The following H1-5 variants were observed in gnomAD, a reference collection of about 807,000 sequenced individuals.
H1-5 encodes the protein H1.5 linker histone, cluster member.
In H1-5, 3 loss-of-function variants were observed where a neutral mutation model predicts 4.6. The observed-to-expected ratio is 0.65, with a 90% CI of 0.30 to 1.68. H1-5 has a LOEUF of 1.68. Ranked by LOEUF, H1-5 falls within the 40% of genes most tolerant of loss-of-function variation. The probability of loss-of-function intolerance (pLI) is 0.10; values close to 1 mark genes in which losing one functional copy is unlikely to be tolerated. For missense variants in H1-5, 521 were observed against 287.9 expected, an observed-to-expected ratio of 1.81 and a Z score of -5.86; for synonymous variants, 250 against 123.4, an observed-to-expected ratio of 2.03 and a Z score of -6.80.
chr6:27,867,000 G>C lies in H1-5; in HGVS notation c.530C>G (p.Ala177Gly). The change falls in exon 1 of 1, where the codon GCC (alanine) becomes GGC (glycine). Residue 177 changes from alanine to glycine, a missense_variant. Physicochemically the swap from Ala to Gly is moderately conservative, Grantham distance 60. Coordinates refer to ENST00000331442, the MANE Select transcript of H1-5 (RefSeq NM_005322.3). ...CTTTTTCGGTTTGGCAGCGGCCTTG[G>C]CCTTCTTAGGGCTCTTCGCCACCTT... Reference protein sequence around the residue: ...VKKVAKSPKKAKAAAKPKKAT... With the variant: ...VKKVAKSPKKGKAAAKPKKAT... 6.2e-7 allele frequency: 1 copy of C among 1,614,200 alleles called. No homozygotes were observed. The highest frequency in any genetic ancestry group is 8.5e-7 in the Non-Finnish European group (1 of 1,180,046).
Position 27,867,417 on chromosome 6 carries a change from G to T in H1-5, c.113C>A (p.Ala38Glu). The change falls in exon 1 of 1, where the codon GCG becomes GAG. Residue 38 changes from alanine (A) to glutamate (E), a missense_variant. Ala to Glu is a moderately radical substitution (Grantham distance 107, BLOSUM62 -1). Coordinates refer to ENST00000331442, the MANE Select transcript of H1-5 (RefSeq NM_005322.3). ...AAGAGAAKRK[A>E]TGPPVSELIT... The stretch of plus-strand genomic sequence containing the variant: ...CAGCTCTGAGACTGGGGGCCCCGTC[G>T]CTTTGCGCTTAGCAGCGCCGGCGCC... 6.2e-7 allele frequency: 1 copy of T among 1,613,664 alleles called. No homozygotes were observed. The highest frequency in any genetic ancestry group is 1.3e-5 in the African/African-American group (1 of 74,986).
chr6:27,867,397 C>T lies in H1-5; in HGVS notation c.133G>A (p.Glu45Lys). 2 of 1,614,182 alleles carry T rather than the reference C, an allele frequency of 1.2e-6. No individual in the cohort carries two copies. The highest frequency in any genetic ancestry group is 1.3e-5 in the African/African-American group (1 of 75,080). The stretch of plus-strand genomic sequence containing the variant: ...GCAGCCACAGCCTTGGTGATCAGCT[C>T]TGAGACTGGGGGCCCCGTCGCTTTG... ...KRKATGPPVSELITKAVAASK... is the reference protein window; with the variant it reads ...KRKATGPPVSKLITKAVAASK... Residue 45 changes from glutamate to lysine, a missense_variant, in exon 1 of 1, where the codon GAG becomes AAG. Transcript: ENST00000331442.
rs773541479 is a variant in H1-5, at chr6:27,867,121, C to A, written c.409G>T (p.Ala137Ser). The part of the protein sequence containing the change: ...GAAKAKKPAG[A>S]TPKKAKKAAG... The stretch of plus-strand genomic sequence containing the variant: ...GCCTTCTTGGCCTTCTTAGGCGTGG[C>A]CCCCGCGGGCTTCTTAGCTTTAGCG... Residue 137 changes from alanine to serine, a missense_variant, in exon 1 of 1, where the codon GCC (alanine) becomes TCC (serine). Ala to Ser is a moderately conservative substitution (Grantham distance 99). Coordinates refer to ENST00000331442, the MANE Select transcript of H1-5 (RefSeq NM_005322.3). 1.2e-6 allele frequency: 2 copies of A among 1,614,010 alleles called. No individual in the cohort carries two copies. Among genetic ancestry groups the A allele is most frequent in the Non-Finnish European group, 1.7e-6 (2 of 1,179,928 alleles).
rs1192580775 is a variant in H1-5 at position 27,867,077 on chromosome 6, T to C, written c.453A>G (p.Ala151=). ...KAKKAAGAKK[A]VKKTPKKAKK... ...TCGCCTTCTTCGGAGTCTTCTTCAC[T>C]GCCTTTTTCGCCCCTGCAGCCTTCT... The change falls in exon 1 of 1, where the codon GCA becomes GCG. Residue 151 remains alanine, a synonymous_variant. Transcript: ENST00000331442. The C allele has an allele frequency of 2.5e-6, 4 of 1,613,780 alleles. No individual in the cohort carries two copies. The highest frequency in any genetic ancestry group is 3.4e-6 in the Non-Finnish European group (4 of 1,179,854).
In H1-5 at chr6:27,866,912, AGCGGCTTTGGGCTTT is replaced by A. The variant is rs754255067; in HGVS notation, c.603_617del (p.Pro213_Lys217del). ...CTTTAGGTTTTGCTGCTTTGGGCTT[AGCGGCTTTGGGCTTT>A]GCCGCCTTCGGCTTAACTGCCTTGG... On this transcript the variant is annotated inframe_deletion, in exon 1 of 1. Coordinates refer to ENST00000331442, the MANE Select transcript of H1-5 (RefSeq NM_005322.3). 1.7e-5 allele frequency: 27 copies of A among 1,612,798 alleles called. No homozygotes were observed. The highest frequency in any genetic ancestry group is 2.2e-5 in the East Asian group (1 of 44,870).
In H1-5 at chr6:27,867,169, G is replaced by A. The variant is rs1761531712; in HGVS notation, c.361C>T (p.Pro121Ser). The stretch of plus-strand genomic sequence containing the variant: ...GCGGCGCCTGCCTTCTTGGCTTTGG[G>A]CTTGGCTTCCCCGGAGGCCGCCTTC... The part of the protein sequence containing the change: ...NKKAASGEAK[P>S]KAKKAGAAKA... Residue 121 changes from proline (P) to serine (S), a missense_variant, in exon 1 of 1, where the codon CCC (proline) becomes TCC (serine). Coordinates refer to ENST00000331442, the MANE Select transcript of H1-5 (RefSeq NM_005322.3). The A allele has an allele frequency of 9.9e-6, 16 of 1,614,168 alleles. No homozygotes were observed. The highest frequency in any genetic ancestry group is 1.4e-5 in the Non-Finnish European group (16 of 1,180,010).
At position 27,866,966 on chromosome 6, in the gene H1-5, C is replaced by T. The variant is rs1314781505; in HGVS notation, c.564G>A (p.Lys188=). The T allele has an allele frequency of 4.3e-6, 7 of 1,614,090 alleles. No individual in the cohort carries two copies. The African/African-American group carries it at 8.0e-5, about 18-fold the overall frequency. The change falls in exon 1 of 1, where the codon AAG becomes AAA. Residue 188 remains lysine, a synonymous_variant. Transcript: ENST00000331442. ...KAAAKPKKAT[K]SPAKPKAVKP... ...TAACTGCCTTGGGCTTGGCAGGACT[C>T]TTGGTTGCCTTTTTCGGTTTGGCAG...
rs370217405 is a variant in H1-5 at position 27,867,453 on chromosome 6, T to C, written c.77A>G (p.Lys26Arg). The C allele has an allele frequency of 6.2e-7, 1 of 1,606,422 alleles. No homozygotes were observed. Among genetic ancestry groups the C allele is most frequent in the Admixed American group, 1.7e-5 (1 of 58,162 alleles). ...EKSPAKKKAT[K>R]KAAGAGAAKR... ...AGCAGCGCCGGCGCCGGCAGCCTTC[T>C]TAGTTGCCTTCTTCTTAGCCGGGGA... The change falls in exon 1 of 1, where the codon AAG becomes AGG. Residue 26 changes from lysine to arginine, a missense_variant. By Grantham distance (26) the Lys-to-Arg change is conservative. Transcript: ENST00000331442.
In H1-5 at chr6:27,866,893, G is replaced by C. The variant is rs373472194; in HGVS notation, c.637C>G (p.Pro213Ala). Residue 213 changes from proline (P) to alanine (A), a missense_variant, in exon 1 of 1, where the codon CCT (proline) becomes GCT (alanine). By Grantham distance (27) the Pro-to-Ala change is conservative. Transcript: ENST00000331442. The stretch of plus-strand genomic sequence containing the variant: ...GCCTTCTTGGCCTTTGCAGCTTTAG[G>C]TTTTGCTGCTTTGGGCTTAGCGGCT... Reference protein sequence around the residue: ...PKAAKPKAAKPKAAKAKKAAA... With the variant: ...PKAAKPKAAKAKAAKAKKAAA... 1 of 1,607,544 alleles carries C rather than the reference G, an allele frequency of 6.2e-7. No individual in the cohort carries two copies. The highest frequency in any genetic ancestry group is 1.7e-5 in the Admixed American group (1 of 58,028).
Position 27,867,158 on chromosome 6 carries a change from C to T in H1-5, c.372G>A (p.Lys124=), listed in dbSNP as rs1235690458. The part of the protein sequence containing the change: ...AASGEAKPKA[K]KAGAAKAKKP... ...TCTTAGCTTTAGCGGCGCCTGCCTTCTTGGCTTTGGGCTTGGCTTCCCCGG... is the reference window on the plus strand; with the variant it reads ...TCTTAGCTTTAGCGGCGCCTGCCTTTTTGGCTTTGGGCTTGGCTTCCCCGG... Residue 124 remains lysine (K), a synonymous_variant, in exon 1 of 1, where the codon AAG becomes AAA. Transcript: ENST00000331442. 14 of 1,614,154 alleles carry T rather than the reference C, an allele frequency of 8.7e-6. No individual in the cohort carries two copies. Among genetic ancestry groups the T allele is most frequent in the East Asian group, 2.2e-5 (1 of 44,882 alleles).
rs116008322 is a variant in H1-5 at position 27,867,277 on chromosome 6, G to A, written c.253C>T (p.Leu85=). ...TTGCTCACCAAGCTCTTGAGGCCCA[G>A]CTTAATGCGGCTGTTATTCTTCTCC... ...DVEKNNSRIK[L]GLKSLVSKGT... is the part of the protein sequence containing the mutation. The change falls in exon 1 of 1, where the codon CTG becomes TTG. Residue 85 remains leucine, a synonymous_variant. Coordinates refer to ENST00000331442, the MANE Select transcript of H1-5 (RefSeq NM_005322.3). The A allele has an allele frequency of 0.024, 38,030 of 1,614,234 alleles. 517 individuals are homozygous for A. The highest frequency in any genetic ancestry group is 0.031 in the Middle Eastern group (189 of 6,062).
Position 27,867,142 on chromosome 6 carries a change from T to TA in H1-5, c.387dup (p.Lys130Ter). The TA allele has an allele frequency of 6.2e-7, 1 of 1,614,200 alleles. No homozygotes were observed. The highest frequency in any genetic ancestry group is 8.5e-7 in the Non-Finnish European group (1 of 1,180,046). Reference sequence around the variant, plus strand: ...GTGGCCCCCGCGGGCTTCTTAGCTTTAGCGGCGCCTGCCTTCTTGGCTTTG... The same window carrying TA: ...GTGGCCCCCGCGGGCTTCTTAGCTTTAAGCGGCGCCTGCCTTCTTGGCTTTG... On this transcript the variant is annotated frameshift_variant, in exon 1 of 1. Transcript: ENST00000331442. LOFTEE classifies it low-confidence loss of function (END_TRUNC).
Position 27,867,177 on chromosome 6 carries a change from T to A in H1-5, c.353A>T (p.Glu118Val). 6.2e-7 allele frequency: 1 copy of A among 1,614,224 alleles called. No homozygotes were observed. Among genetic ancestry groups the A allele is most frequent in the Non-Finnish European group, 8.5e-7 (1 of 1,180,022 alleles). ...FKLNKKAASG[E>V]AKPKAKKAGA... ...TGCCTTCTTGGCTTTGGGCTTGGCT[T>A]CCCCGGAGGCCGCCTTCTTGTTGAG... is the stretch of plus-strand genomic sequence containing the variant. Residue 118 changes from glutamate (E) to valine (V), a missense_variant, in exon 1 of 1, where the codon GAA (glutamate) becomes GTA (valine). Coordinates refer to ENST00000331442, the MANE Select transcript of H1-5 (RefSeq NM_005322.3).
In H1-5 at chr6:27,867,305, G is replaced by A. The variant is rs746373563; in HGVS notation, c.225C>T (p.Asp75=). ...TAATGCGGCTGTTATTCTTCTCCAC[G>A]TCGTAGCCACCGGCCGCTAAGGCCT... ...LKKALAAGGY[D]VEKNNSRIKL... Residue 75 remains aspartate, a synonymous_variant, in exon 1 of 1, where the codon GAC becomes GAT. Transcript: ENST00000331442. 5 of 1,614,234 alleles carry A rather than the reference G, an allele frequency of 3.1e-6. No individual in the cohort carries two copies. The South Asian group carries it at 4.4e-5, about 14-fold the overall frequency.
chr6:27,867,487 C>T lies in H1-5; in HGVS notation c.43G>A (p.Val15Met). 3.8e-6 allele frequency: 6 copies of T among 1,583,834 alleles called. No homozygotes were observed. Among genetic ancestry groups the T allele is most frequent in the Non-Finnish European group, 5.1e-6 (6 of 1,167,506 alleles). The change falls in exon 1 of 1, where the codon GTG (valine) becomes ATG (methionine). Residue 15 changes from valine to methionine, a missense_variant. Val to Met is a conservative substitution (Grantham distance 21). Coordinates refer to ENST00000331442, the MANE Select transcript of H1-5 (RefSeq NM_005322.3). ...APAETATPAP[V>M]EKSPAKKKAT... ...TTCTTCTTAGCCGGGGATTTCTCCA[C>T]CGGCGCTGGGGTGGCTGTCTCGGCA...
Position 27,867,456 on chromosome 6 carries a change from G to A in H1-5, c.74C>T (p.Thr25Ile), listed in dbSNP as rs766473941. The change falls in exon 1 of 1, where the codon ACT (threonine) becomes ATT (isoleucine). Residue 25 changes from threonine to isoleucine, a missense_variant. Transcript: ENST00000331442. ...VEKSPAKKKA[T>I]KKAAGAGAAK... ...AGCGCCGGCGCCGGCAGCCTTCTTAGTTGCCTTCTTCTTAGCCGGGGATTT... is the reference window on the plus strand; with the variant it reads ...AGCGCCGGCGCCGGCAGCCTTCTTAATTGCCTTCTTCTTAGCCGGGGATTT... 18 of 1,605,550 alleles carry A rather than the reference G, an allele frequency of 1.1e-5. No individual in the cohort carries two copies. The highest frequency in any genetic ancestry group is 2.7e-5 in the African/African-American group (2 of 74,260).
rs200074459 is a variant in H1-5, at chr6:27,866,879, C to T, written c.651G>A (p.Lys217=). The T allele has an allele frequency of 1.2e-5, 19 of 1,600,770 alleles. 1 individual carries two copies. In the African/African-American group the frequency reaches 2.4e-4, roughly 21 times the overall value. The change falls in exon 1 of 1, where the codon AAG becomes AAA. Residue 217 remains lysine (K), a synonymous_variant. Transcript: ENST00000331442. ...TCTTTTTGGCAGCCGCCTTCTTGGC[C>T]TTTGCAGCTTTAGGTTTTGCTGCTT... ...KPKAAKPKAA[K]AKKAAAKKK is the part of the protein sequence containing the mutation.
At position 27,867,518 on chromosome 6, in the gene H1-5, G is replaced by A; in HGVS notation, c.12C>T (p.Thr4=). Residue 4 remains threonine, a synonymous_variant, in exon 1 of 1, where the codon ACC becomes ACT. Coordinates refer to ENST00000331442, the MANE Select transcript of H1-5 (RefSeq NM_005322.3). ...CTGGGGTGGCTGTCTCGGCAGGAGC[G>A]GTTTCCGACATGGTGGCAAGAAACT... MSE[T]APAETATPAP... The A allele has an allele frequency of 2.6e-6, 4 of 1,545,054 alleles. No homozygotes were observed. The highest frequency in any genetic ancestry group is 3.5e-6 in the Non-Finnish European group (4 of 1,152,206).
Position 27,867,404 on chromosome 6 carries a change from T to C in H1-5, c.126A>G (p.Pro42=). ...CAGCCTTGGTGATCAGCTCTGAGAC[T>C]GGGGGCCCCGTCGCTTTGCGCTTAG... ...GAAKRKATGP[P]VSELITKAVA... Residue 42 remains proline, a synonymous_variant, in exon 1 of 1, where the codon CCA becomes CCG. Coordinates refer to ENST00000331442, the MANE Select transcript of H1-5 (RefSeq NM_005322.3). 1.9e-6 allele frequency: 3 copies of C among 1,614,010 alleles called. No individual in the cohort carries two copies. Among genetic ancestry groups the C allele is most frequent in the South Asian group, 1.1e-5 (1 of 91,084 alleles).
Sources: gnomAD v4.1 joint callset for allele counts on GRCh38, gnomAD v4.1.1 for gene constraint, MANE v1.5 for transcripts, NCBI Gene and HGNC (gene_info 2026-07-23, HGNC 2026-07-21) for gene names.